NCAM2: variants seen among roughly 807,000 people sequenced by gnomAD.
NCAM2 encodes neural cell adhesion molecule 2.
In NCAM2, 30 loss-of-function variants were observed where a neutral mutation model predicts 98.1. That is an observed-to-expected ratio of 0.31 (90% CI 0.23 to 0.41). The LOEUF (loss-of-function observed/expected upper bound fraction) is 0.41. Among genes scored for constraint, NCAM2 ranks in the 10% least tolerant of loss-of-function variants. NCAM2 has a pLI of 1.00. For synonymous variants in NCAM2, 368 were observed against 342.4 expected, an observed-to-expected ratio of 1.07 and a Z score of -0.83; for missense variants, 867 against 1,005.8, an observed-to-expected ratio of 0.86 and a Z score of 1.87.
At chr21:21,446,468 A>G (rs1349727274) in intron 12 of NCAM2, among the ~76,000 whole-genome samples, 1 of 151,974 alleles carries the variant, frequency 6.6e-6, no homozygotes, top group Non-Finnish European at 1.5e-5. Context: ...AGGTACTCCA[A>G]TCAATCATAA....
At chr21:21,202,596 A>G (rs147483848) in intron 1 of NCAM2, among the ~76,000 whole-genome samples, 281 of 151,800 alleles carry the variant, frequency 1.9e-3, no homozygotes, top group African/African-American at 6.7e-3. Flanking sequence ...TTGCATTTTT[A>G]GTAGAGACGG....
chr21:21,348,407 T>C (rs1464044943), intron 8 of NCAM2, among the ~76,000 whole-genome samples: 1 of 152,052 alleles, frequency 6.6e-6, no homozygotes, highest in Admixed American at 6.5e-5. Context: ...GAAATGTATC[T>C]ATAATGAAAA....
chr21:21,511,979 C>T (rs1051599174), intron 16 of NCAM2, among the ~76,000 whole-genome samples: 1 of 151,584 alleles, frequency 6.6e-6, no homozygotes, highest in Admixed American at 6.6e-5. Context: ...TTGAGATGCT[C>T]GTATATACTG....
intron 14 of NCAM2, among the ~76,000 whole-genome samples, chr21:21,473,415 T>A (rs1249835872): frequency 6.8e-6 from 1 of 147,110 alleles, no homozygotes; most frequent in African/African-American, 2.5e-5. Flanking sequence ...TCCAGACTGA[T>A]CAATCACCTC....
rs2066067727 is a variant in NCAM2 at position 21,094,038 on chromosome 21, A to G, written c.55+95420A>G. Among the ~76,000 whole-genome samples, 5 of 152,062 alleles carry G rather than the reference A, an allele frequency of 3.3e-5. 1 individual carries two copies. The South Asian group carries it at 1.0e-3, about 31-fold the overall frequency. On this transcript the variant is annotated intron_variant, in intron 1 of 17. Coordinates refer to ENST00000400546, the MANE Select transcript of NCAM2 (RefSeq NM_004540.5). ...GCAAATTTATATTTATTTTGTTTCC[A>G]GGGATATGTTCATGTCCATGAGAGG...
chr21:21,080,939 T>C (rs1373230274), intron 1 of NCAM2, among the ~76,000 whole-genome samples: 1 of 152,066 alleles, frequency 6.6e-6, no homozygotes, highest in Admixed American at 6.6e-5. Flanking sequence ...AGAACAGGAA[T>C]GAAATGAAGT....
At position 21,394,649 on chromosome 21, in the gene NCAM2, C is replaced by T. The variant is rs185828097; in HGVS notation, c.1196-15625C>T. Among the ~76,000 whole-genome samples, 665 of 151,532 alleles carry T rather than the reference C, an allele frequency of 4.4e-3. 4 individuals are homozygous for T. The highest frequency in any genetic ancestry group is 8.2e-3 in the Admixed American group (125 of 15,210). On this transcript the variant is annotated intron_variant, in intron 9 of 17. Transcript: ENST00000400546. The stretch of plus-strand genomic sequence containing the variant: ...GACTACAGGTGCCCGCCACCACACC[C>T]GCTAATTTTTTGTATTTTTAGTAGA...
intron 1 of NCAM2, chr21:21,223,408 A>G (rs1355143296): frequency 3.3e-5 from 5 of 152,130 alleles, no homozygotes; most frequent in Non-Finnish European, 7.4e-5. Flanking sequence ...ATCTAGTTAT[A>G]TTTTCTATAA....
chr21:21,146,576 G>GATATATATATATATATAT (rs2067281309), intron 1 of NCAM2, among the ~76,000 whole-genome samples: 1 of 128,370 alleles, frequency 7.8e-6, no homozygotes, highest in African/African-American at 3.3e-5. Context: ...TATATATATG[G>GATATATATATATATATAT]ATTATATAAA....
intron 1 of NCAM2, among the ~76,000 whole-genome samples, chr21:21,247,316 C>G (rs2071315154): frequency 1.3e-5 from 2 of 152,132 alleles, no homozygotes; most frequent in Non-Finnish European, 2.9e-5. Context: ...AAGACTCCGT[C>G]TCAAACAACA....
chr21:21,158,633 A>G lies in NCAM2; in HGVS notation c.56-121945A>G, dbSNP rs146686553. 9.7e-4 allele frequency among the ~76,000 whole-genome samples: 147 copies of G among 151,102 alleles called. 1 individual carries two copies. In the East Asian group the frequency reaches 0.023, roughly 24 times the overall value. ...CCCGCAAAAAAAAAAAAAGATTATC[A>G]TGGTTCTGAAATATTTATATCACTT... On this transcript the variant is annotated intron_variant, in intron 1 of 17. Transcript: ENST00000400546.
chr21:21,472,575 A>G (rs1382659470), intron 14 of NCAM2, among the ~76,000 whole-genome samples: 5 of 151,984 alleles, frequency 3.3e-5, no homozygotes, highest in Admixed American at 1.3e-4. Context: ...CTTTGTATAG[A>G]TAGACTATGT....
At chr21:21,278,924 G>T (rs1390597603) in intron 1 of NCAM2, among the ~76,000 whole-genome samples, 2 of 152,052 alleles carry the variant, frequency 1.3e-5, no homozygotes, top group African/African-American at 4.8e-5. Context: ...GAAATCTCAT[G>T]GGTTTATTTC....
chr21:21,085,405 A>C (rs1414669258), intron 1 of NCAM2, among the ~76,000 whole-genome samples: 2 of 151,874 alleles, frequency 1.3e-5, no homozygotes, highest in East Asian at 3.9e-4. Context: ...TGCTCCGATT[A>C]TCTCTCCACT....
chr21:21,017,287 G>A (rs1347193617), intron 1 of NCAM2, among the ~76,000 whole-genome samples: 10 of 151,906 alleles, frequency 6.6e-5, no homozygotes, highest in South Asian at 4.2e-4. Flanking sequence ...TTAGCTGGGC[G>A]TGGTGGTACA....
At chr21:21,394,804 A>G (rs1324302676) in intron 9 of NCAM2, among the ~76,000 whole-genome samples, 2 of 152,090 alleles carry the variant, frequency 1.3e-5, no homozygotes, top group African/African-American at 4.8e-5. Flanking sequence ...AAGACAATCT[A>G]TTACAATAGA....
At chr21:21,216,502 C>T (rs1412546863) in intron 1 of NCAM2, among the ~76,000 whole-genome samples, 1 of 152,126 alleles carries the variant, frequency 6.6e-6, no homozygotes, top group Non-Finnish European at 1.5e-5. Flanking sequence ...AGATATGTGG[C>T]CACAATCTGG....
intron 1 of NCAM2, among the ~76,000 whole-genome samples, chr21:21,023,536 A>G (rs1193266480): frequency 6.6e-6 from 1 of 151,158 alleles, no homozygotes; most frequent in Non-Finnish European, 1.5e-5. Context: ...AAAAAAAAAG[A>G]AGAAGAAGGA....
intron 1 of NCAM2, among the ~76,000 whole-genome samples, chr21:21,012,738 CCT>C (rs1375684824): frequency 6.6e-6 from 1 of 152,018 alleles, no homozygotes; most frequent in Non-Finnish European, 1.5e-5. Flanking sequence ...CTGTGGCCCC[CCT>C]GTGTCAAGCA....
Sources: allele counts gnomAD v4.1 joint callset (sites outside exome capture counted in the v4.1 genomes callset), GRCh38; gene constraint gnomAD v4.1.1; transcripts MANE v1.5; gene names NCBI Gene and HGNC (gene_info 2026-07-23, HGNC 2026-07-21).